The following PTPRM variants were observed in gnomAD, a reference collection of about 807,000 sequenced individuals.
PTPRM encodes the protein receptor-type tyrosine-protein phosphatase mu.
In PTPRM, 47 loss-of-function variants were observed where a neutral mutation model predicts 186.7. That is an observed-to-expected ratio of 0.25 (90% CI 0.20 to 0.32). PTPRM has a LOEUF of 0.32. Ranked by LOEUF, PTPRM falls within the 10% of genes least tolerant of loss-of-function variation. The pLI is 1.00. For missense variants in PTPRM, 1,494 were observed against 1,865.0 expected (o/e 0.80, Z 3.66); for synonymous variants, 668 against 674.9 (o/e 0.99, Z 0.16).
At chr18:7,707,330 A>G (rs957606169) in intron 1 of PTPRM, among the ~76,000 whole-genome samples, 1 of 152,082 alleles carries the variant, frequency 6.6e-6, no homozygotes, top group East Asian at 1.9e-4. Context: ...CCAGGTATCT[A>G]AAAATACTCT....
chr18:8,314,931 C>A, intron 21 of PTPRM, 74 bp downstream of exon 21: 3 of 949,300 alleles, frequency 3.2e-6, no homozygotes, highest in Non-Finnish European at 4.8e-6. Context: ...TATTTTGATA[C>A]ATGTATACAA....
chr18:7,997,379 CAAAT>C (rs1379321633), intron 7 of PTPRM, among the ~76,000 whole-genome samples: 3 of 152,034 alleles, frequency 2.0e-5, no homozygotes, highest in Non-Finnish European at 4.4e-5. Flanking sequence ...ATATAAAACT[CAAAT>C]AAAAATGATG....
chr18:8,166,426 G>A (rs938785419), intron 14 of PTPRM, among the ~76,000 whole-genome samples: 14 of 152,124 alleles, frequency 9.2e-5, no homozygotes, highest in African/African-American at 3.4e-4. Flanking sequence ...TTTATTATGT[G>A]TGACATCTGT....
chr18:8,052,349 C>CAT (rs932654938), intron 7 of PTPRM, among the ~76,000 whole-genome samples: 12 of 152,298 alleles, frequency 7.9e-5, no homozygotes, highest in Admixed American at 7.8e-4. Context: ...CCGCAGACCA[C>CAT]ATATACCACT....
intron 7 of PTPRM, among the ~76,000 whole-genome samples, chr18:7,977,967 A>G (rs1358648075): frequency 2.0e-5 from 3 of 152,162 alleles, no homozygotes; most frequent in Non-Finnish European, 4.4e-5. Flanking sequence ...TCTAACTCAA[A>G]TCTTGTTGAC....
chr18:8,131,229 T>TC (rs2092497659), intron 13 of PTPRM, among the ~76,000 whole-genome samples: 1 of 152,164 alleles, frequency 6.6e-6, no homozygotes, highest in Non-Finnish European at 1.5e-5. Flanking sequence ...GATGCTGTGG[T>TC]CTCCAGGAGC....
At chr18:8,071,673 C>T (rs1370827197) in intron 8 of PTPRM, among the ~76,000 whole-genome samples, 2 of 152,202 alleles carry the variant, frequency 1.3e-5, no homozygotes, top group Admixed American at 6.5e-5. Context: ...CTGCTCTGTG[C>T]ATCCTGGGCT....
chr18:8,301,506 G>T (rs1354431105), intron 20 of PTPRM, among the ~76,000 whole-genome samples: 9 of 152,218 alleles, frequency 5.9e-5, no homozygotes, highest in Non-Finnish European at 1.3e-4. Flanking sequence ...TGGAGATAAT[G>T]AGCCAGAATC....
intron 20 of PTPRM, among the ~76,000 whole-genome samples, chr18:8,297,238 TA>T (rs2095107325): frequency 6.6e-6 from 1 of 152,244 alleles, no homozygotes; most frequent in Non-Finnish European, 1.5e-5. Flanking sequence ...ACATAAATTT[TA>T]AAAAGCAACA....
chr18:7,686,741 GA>G (rs906193321), intron 1 of PTPRM, among the ~76,000 whole-genome samples: 19 of 152,012 alleles, frequency 1.2e-4, no homozygotes, highest in Admixed American at 1.3e-4. Context: ...TGTCTAACAT[GA>G]AAAAAACCTC....
chr18:7,774,605 T>C (rs1239576983), intron 2 of PTPRM, among the ~76,000 whole-genome samples: 1 of 152,142 alleles, frequency 6.6e-6, no homozygotes, highest in African/African-American at 2.4e-5. Flanking sequence ...AGAACTCCAG[T>C]TGGGGAATCC....
At chr18:8,372,096 G>C (rs1397061324) in intron 24 of PTPRM, among the ~76,000 whole-genome samples, 2 of 53,150 alleles carry the variant, frequency 3.8e-5, no homozygotes, top group Non-Finnish European at 1.0e-4. Flanking sequence ...ACGGAGTCTC[G>C]CTCTGTCGCC....
chr18:7,830,669 C>G (rs2145717088), intron 2 of PTPRM, among the ~76,000 whole-genome samples: 1 of 152,256 alleles, frequency 6.6e-6, no homozygotes, highest in Middle Eastern at 3.4e-3. Context: ...GAGATATGTT[C>G]TATTTCCCAA....
chr18:8,340,114 G>C lies in PTPRM; in HGVS notation c.2957-3309G>C, dbSNP rs562708795. Among the ~76,000 whole-genome samples the C allele has an allele frequency of 2.6e-5, 4 of 152,328 alleles. No homozygotes were observed. The South Asian group carries it at 6.2e-4, about 24-fold the overall frequency. ...GAGCCACCACAGTGACCAGGCCAGG[G>C]AGGGAGCCATGCGTGTGGCAGAAGG... On this transcript the variant is annotated intron_variant, in intron 22 of 32. Coordinates refer to ENST00000580170, the MANE Select transcript of PTPRM (RefSeq NM_001105244.2).
chr18:8,054,232 CAA>C (rs1377903705), intron 7 of PTPRM, among the ~76,000 whole-genome samples: 12 of 146,750 alleles, frequency 8.2e-5, no homozygotes, highest in Non-Finnish European at 1.2e-4. Flanking sequence ...TTTTAATAGA[CAA>C]TATTTTATTT....
intron 1 of PTPRM, among the ~76,000 whole-genome samples, chr18:7,590,868 T>C (rs2037107356): frequency 6.6e-6 from 1 of 152,260 alleles, no homozygotes; most frequent in Non-Finnish European, 1.5e-5. Context: ...TCAGTTTTTC[T>C]GGATCTACCA....
At chr18:8,092,326 G>T (rs986297425) in intron 11 of PTPRM, among the ~76,000 whole-genome samples, 6 of 152,176 alleles carry the variant, frequency 3.9e-5, no homozygotes, top group Admixed American at 1.3e-4. Context: ...AAACTAGCAT[G>T]TAGGAGAGAA....
intron 1 of PTPRM, among the ~76,000 whole-genome samples, chr18:7,630,052 T>C (rs896500647): frequency 2.6e-5 from 4 of 151,914 alleles, no homozygotes; most frequent in East Asian, 1.9e-4. Context: ...ACCCAGGGAA[T>C]AGGTTTGTGG....
intron 2 of PTPRM, among the ~76,000 whole-genome samples, chr18:7,825,021 C>G (rs1206174197): frequency 6.6e-6 from 1 of 152,158 alleles, no homozygotes; most frequent in African/African-American, 2.4e-5. Flanking sequence ...TATTGGTTTT[C>G]TCTTAGTTCA....
Sources: allele counts gnomAD v4.1 joint callset (sites outside exome capture counted in the v4.1 genomes callset), GRCh38; gene constraint gnomAD v4.1.1; transcripts MANE v1.5; gene names NCBI Gene and HGNC (gene_info 2026-07-23, HGNC 2026-07-21).